Variants in NBPF14 observed in about 807,000 individuals in gnomAD.
The protein encoded by NBPF14 is NBPF family member NBPF14.
In NBPF14, 104 loss-of-function variants were observed where a neutral mutation model predicts 91.2. That is an observed-to-expected ratio of 1.14 (90% CI 0.97 to 1.34). The LOEUF (loss-of-function observed/expected upper bound fraction) is 1.34, where lower values mean the gene tolerates loss of function less well. NBPF14 is among the 40% of genes most tolerant of loss of function. NBPF14 has a pLI of 0.00. For missense variants in NBPF14, 908 were observed against 783.0 expected, an observed-to-expected ratio of 1.16 and a Z score of -1.91; for synonymous variants, 294 against 303.8, an observed-to-expected ratio of 0.97 and a Z score of 0.34.
intron 14 of NBPF14, among the ~76,000 whole-genome samples, chr1:148,577,737 G>A (rs1231234866): frequency 9.9e-5 from 14 of 141,394 alleles, no homozygotes; most frequent in Non-Finnish European, 1.8e-4. Flanking sequence ...AAGTTTCCCG[G>A]CAGTTACCAT....
Position 148,592,769 on chromosome 1 carries a change from A to G in NBPF14, c.279-3T>C, listed in dbSNP as rs1662703876. The G allele has an allele frequency of 6.4e-7, 1 of 1,573,150 alleles. No homozygotes were observed. Among genetic ancestry groups the G allele is most frequent in the Non-Finnish European group, 8.7e-7 (1 of 1,150,212 alleles). ...AGTGAACCAGGACTTTATATTGCCTAAGGTGAGACGGTAGAGAAAATTTAA... is the reference window on the plus strand; with the variant it reads ...AGTGAACCAGGACTTTATATTGCCTGAGGTGAGACGGTAGAGAAAATTTAA... On this transcript the variant is annotated splice_polypyrimidine_tract_variant and splice_region_variant and intron_variant, in intron 3 of 70. Transcript: ENST00000619423.
intron 18 of NBPF14, among the ~76,000 whole-genome samples, 195 bp from the exon 19 acceptor site, chr1:148,574,420 TAGAC>T (rs1659446227): frequency 2.9e-5 from 1 of 34,800 alleles, no homozygotes; most frequent in East Asian, 8.7e-4. Context: ...GAAAGACAGA[TAGAC>T]ACACACACAC....
At chr1:148,592,443 TGTA>T in intron 4 of NBPF14, 106 bp downstream of exon 4, 1 of 872,590 alleles carries the variant, frequency 1.1e-6, no homozygotes. Flanking sequence ...GCCACATAGG[TGTA>T]GTAGAAAAAA....
rs1463740155 is a variant in NBPF14 at position 148,539,302 on chromosome 1, C to T, written c.7882+108G>A. On this transcript the variant is annotated intron_variant, in intron 63 of 70. Coordinates refer to ENST00000619423, the Ensembl canonical transcript of NBPF14. Reference sequence around the variant, plus strand: ...ACCTATATGCGCCCATAGGTCCTGACTGCGGCAATGACGTCTCTCGGGTCA... The same window carrying T: ...ACCTATATGCGCCCATAGGTCCTGATTGCGGCAATGACGTCTCTCGGGTCA... The T allele has an allele frequency of 3.2e-5, 20 of 631,670 alleles. 3 individuals are homozygous for T. Among genetic ancestry groups the T allele is most frequent in the Non-Finnish European group, 4.7e-5 (17 of 358,206 alleles). The allele number at this position is 631,670 out of a possible 1,614,324, so 39.1% of individuals were successfully genotyped here.
chr1:148,577,196 A>C, exon 15 of NBPF14: 11 of 645,950 alleles, frequency 1.7e-5, no homozygotes, highest in Non-Finnish European at 3.0e-5. Context: ...CCATGTCAAC[A>C]GCCAAGCCAA....
Position 148,572,668 on chromosome 1 carries a change from C to T in NBPF14, c.2586-53G>A, listed in dbSNP as rs1471574239. 2.2e-5 allele frequency: 15 copies of T among 669,724 alleles called. 1 individual carries two copies. The highest frequency in any genetic ancestry group is 5.8e-5 in the African/African-American group (2 of 34,772). The allele number at this position is 669,724 out of a possible 1,614,324, so 41.5% of individuals were successfully genotyped here. ...AAGCCAGGGGGAATCAGAAACCACA[C>T]AGCCCCAGCTAGATTTCATGGCTAA... is the stretch of plus-strand genomic sequence containing the variant. On this transcript the variant is annotated intron_variant, in intron 20 of 70. Transcript: ENST00000619423.
At chr1:148,586,879 A>G (rs1286417617) in intron 8 of NBPF14, among the ~76,000 whole-genome samples, 1 of 141,592 alleles carries the variant, frequency 7.1e-6, no homozygotes, top group Non-Finnish European at 1.6e-5. Context: ...AATTGAAAAG[A>G]TGAAAGAAGA....
chr1:148,542,035 A>G (rs1169183925), intron 59 of NBPF14, among the ~76,000 whole-genome samples, 196 bp from the exon 60 acceptor site: 1 of 60,378 alleles, frequency 1.7e-5, no homozygotes, highest in African/African-American at 2.0e-4. Flanking sequence ...ACTGTGGGTA[A>G]AATGTCCCTA....
chr1:148,595,285 A>C (rs1663132103), intron 2 of NBPF14, among the ~76,000 whole-genome samples: 2 of 148,168 alleles, frequency 1.3e-5, no homozygotes. Flanking sequence ...AAAACAGGTC[A>C]TTCTGTGCCT....
At chr1:148,538,165 A>T (rs1455296076) in intron 64 of NBPF14, among the ~76,000 whole-genome samples, 159 bp from the exon 65 acceptor site, 2 of 35,756 alleles carry the variant, frequency 5.6e-5, no homozygotes, top group Admixed American at 3.2e-4. Context: ...GGGACAGAAC[A>T]GGGCCAAATG....
chr1:148,533,219 T>A (rs1553331236), exon 71 of NBPF14: 11 of 695,220 alleles, frequency 1.6e-5, no homozygotes, highest in East Asian at 2.8e-5. Flanking sequence ...GACTTCACGC[T>A]CTTCCACTTC....
At position 148,579,906 on chromosome 1, in the gene NBPF14, C is replaced by G. The variant is rs1660646493; in HGVS notation, c.1638-669G>C. Among the ~76,000 whole-genome samples the G allele has an allele frequency of 2.0e-5, 3 of 152,236 alleles. No homozygotes were observed. The South Asian group carries it at 6.2e-4, about 32-fold the overall frequency. On this transcript the variant is annotated intron_variant, in intron 12 of 70. Coordinates refer to ENST00000619423, the Ensembl canonical transcript of NBPF14. ...ACAGAGAAAGGAATAGCATCAACAT[C>G]AACAAAAAAGACATCCACCCCAAAA...
chr1:148,585,050 T>C (rs1661288898), intron 10 of NBPF14, 91 bp downstream of exon 10: 1 of 774,576 alleles, frequency 1.3e-6, no homozygotes, highest in Non-Finnish European at 2.3e-6. Flanking sequence ...ATGCGGGTTT[T>C]TGGCCCATCA....
chr1:148,572,335 C>G, intron 21 of NBPF14, 108 bp downstream of exon 21: 1 of 277,044 alleles, frequency 3.6e-6, no homozygotes, highest in Admixed American at 6.6e-5. Context: ...TAGGTCCTGC[C>G]TGCGGCAATG....
chr1:148,535,124 G>T (rs1282576854), intron 68 of NBPF14, among the ~76,000 whole-genome samples: 1 of 146,852 alleles, frequency 6.8e-6, no homozygotes, highest in South Asian at 2.2e-4. Flanking sequence ...AGGGGTCAAA[G>T]GACACTCTGA....
At position 148,592,625 on chromosome 1, in the gene NBPF14, C is replaced by A; in HGVS notation, c.420G>T (p.Gln140His). The A allele has an allele frequency of 2.5e-6, 4 of 1,583,254 alleles. No individual in the cohort carries two copies. In the African/African-American group the frequency reaches 5.5e-5, roughly 22 times the overall value. Residue 140 changes from glutamine (Q) to histidine (H), a missense_variant, in exon 4 of 71, where the codon CAG becomes CAT. Coordinates refer to ENST00000619423, the Ensembl canonical transcript of NBPF14. ...CCAGCTGTTCTTGGAGGTCCTGCCC[C>A]TGGGACTTGTCCGGCTCATACGGAG...
rs1273184723 is a variant in NBPF14, at chr1:148,576,119, C to G, written c.2078+291G>C. Among the ~76,000 whole-genome samples the G allele has an allele frequency of 1.4e-4, 18 of 125,368 alleles. 1 individual carries two copies. The highest frequency in any genetic ancestry group is 4.3e-4 in the African/African-American group (12 of 27,938). The allele number at this position is 125,368 out of a possible 152,430, so 82.2% of individuals were successfully genotyped here. On this transcript the variant is annotated intron_variant, in intron 16 of 70. Coordinates refer to ENST00000619423, the Ensembl canonical transcript of NBPF14. ...TAGTGCCCTCGGGACACACAGCGAA[C>G]AGTGATCATGAAAAGAGTGGGCTCA...
In NBPF14 at chr1:148,587,214, C is replaced by A. The variant is rs1464173162; in HGVS notation, c.1091+87G>T. 5.9e-6 allele frequency: 7 copies of A among 1,183,656 alleles called. 1 individual carries two copies. Among genetic ancestry groups the A allele is most frequent in the Non-Finnish European group, 6.3e-6 (5 of 799,376 alleles). The allele number at this position is 1,183,656 out of a possible 1,614,324, so 73.3% of individuals were successfully genotyped here. ...AATTCCTGCCCTTCCCCTGGCCCAG[C>A]TGAGCTCTTACGTCTCCCCACTGAG... On this transcript the variant is annotated intron_variant, in intron 8 of 70. Coordinates refer to ENST00000619423, the Ensembl canonical transcript of NBPF14.
intron 5 of NBPF14, 64 bp downstream of exon 5, chr1:148,591,368 G>C: frequency 6.8e-6 from 10 of 1,476,360 alleles, no homozygotes; most frequent in South Asian, 1.1e-5. Context: ...GCCAGAGAGG[G>C]TGTGCCTCCT....
Sources: allele counts gnomAD v4.1 joint callset (sites outside exome capture counted in the v4.1 genomes callset), GRCh38; gene constraint gnomAD v4.1.1; transcripts MANE v1.5; gene names NCBI Gene and HGNC (gene_info 2026-07-23, HGNC 2026-07-21).